CWF19L2: variants seen among roughly 807,000 people sequenced by gnomAD.
CWF19L2 encodes CWF19-like protein 2.
Under a neutral mutation model 111.7 loss-of-function variants are expected in CWF19L2, and 98 were observed. That is an observed-to-expected ratio of 0.88 (90% confidence interval 0.75 to 1.04). The LOEUF is 1.04. Among genes scored for constraint, CWF19L2 ranks in the 50% least tolerant of loss-of-function variants. CWF19L2 has a pLI of 0.00. For missense variants in CWF19L2, 1,101 were observed against 1,051.4 expected, an observed-to-expected ratio of 1.05 and a Z score of -0.65; for synonymous variants, 351 against 342.9, an observed-to-expected ratio of 1.02 and a Z score of -0.26.
chr11:107,391,996 A>C (rs1205633625), intron 11 of CWF19L2, among the ~76,000 whole-genome samples: 1 of 152,188 alleles, frequency 6.6e-6, no homozygotes, highest in Admixed American at 6.5e-5. Context: ...ATCCCTAGTC[A>C]GTTCCACCAT....
chr11:107,422,174 T>C (rs112017643), intron 8 of CWF19L2, among the ~76,000 whole-genome samples: 456 of 152,176 alleles, frequency 3.0e-3, no homozygotes, highest in Non-Finnish European at 4.5e-3. Flanking sequence ...CGGTTGACCC[T>C]TGAACAACAC....
Position 107,454,502 on chromosome 11 carries a change from T to C in CWF19L2, c.287A>G (p.Lys96Arg). The C allele has an allele frequency of 6.8e-7, 1 of 1,477,826 alleles. No homozygotes were observed. The highest frequency in any genetic ancestry group is 8.9e-7 in the Non-Finnish European group (1 of 1,118,578). 91.5% of individuals were successfully genotyped at this position (1,477,826 alleles called of 1,614,324 possible). The change falls in exon 3 of 18, where the codon AAG (lysine) becomes AGG (arginine). Residue 96 changes from lysine (K) to arginine (R), a missense_variant. Physicochemically the swap from Lys to Arg is conservative, Grantham distance 26. Coordinates refer to ENST00000282251, the MANE Select transcript of CWF19L2 (RefSeq NM_152434.3). ...SKKAKKEKKK[K>R]SKKQKYEKNN... is the part of the protein sequence containing the mutation. ...TTTTTCATATTTCTGTTTCTTGCTC[T>C]TTTTTTTCTTTTCTTTCTTTGCTTT...
chr11:107,349,525 C>T (rs1394402520), intron 13 of CWF19L2, among the ~76,000 whole-genome samples: 6 of 151,648 alleles, frequency 4.0e-5, no homozygotes, highest in Admixed American at 6.6e-5. Flanking sequence ...TCAGCTAAGA[C>T]GAAGAGGAAA....
intron 12 of CWF19L2, among the ~76,000 whole-genome samples, chr11:107,365,146 G>T (rs180914062): frequency 7.0e-6 from 1 of 141,920 alleles, no homozygotes; most frequent in Non-Finnish European, 1.5e-5. Context: ...TCTCTGAATA[G>T]ACCAATAAGA....
intron 12 of CWF19L2, among the ~76,000 whole-genome samples, chr11:107,389,772 A>C (rs546470852): frequency 3.3e-5 from 5 of 152,304 alleles, no homozygotes; most frequent in African/African-American, 1.2e-4. Context: ...GCGCACTGTC[A>C]ATCATTAACT....
chr11:107,441,382 T>C (rs957818086), intron 5 of CWF19L2, 121 bp downstream of exon 5: 19 of 793,740 alleles, frequency 2.4e-5, no homozygotes, highest in African/African-American at 5.4e-5. Context: ...TTCTCACTAA[T>C]TGTATTAAAT....
intron 14 of CWF19L2, among the ~76,000 whole-genome samples, chr11:107,339,792 A>C (rs1249740438): frequency 1.2e-4 from 18 of 148,416 alleles, no homozygotes; most frequent in African/African-American, 4.2e-4. Flanking sequence ...TGGCCCCCCC[A>C]CAACAGCTGG....
At chr11:107,342,694 T>C (rs1860022527) in intron 14 of CWF19L2, among the ~76,000 whole-genome samples, 1 of 152,144 alleles carries the variant, frequency 6.6e-6, no homozygotes, top group Admixed American at 6.5e-5. Context: ...CCCCAAGATA[T>C]CCAGGTCCTA....
intron 5 of CWF19L2, 72 bp downstream of exon 5, chr11:107,441,431 C>T (rs1364996431): frequency 1.6e-6 from 2 of 1,270,646 alleles, no homozygotes; most frequent in Non-Finnish European, 2.1e-6. Context: ...AGTTAAACTG[C>T]ATTTATATAA....
chr11:107,344,118 C>T (rs1263697464), intron 14 of CWF19L2, among the ~76,000 whole-genome samples: 1 of 152,102 alleles, frequency 6.6e-6, no homozygotes, highest in Non-Finnish European at 1.5e-5. Flanking sequence ...GAAGCTGAGG[C>T]ACAAGAATCG....
At chr11:107,440,980 A>C (rs554037328) in intron 5 of CWF19L2, among the ~76,000 whole-genome samples, 17 of 152,312 alleles carry the variant, frequency 1.1e-4, no homozygotes, top group Non-Finnish European at 1.9e-4. Flanking sequence ...ATTCCAGATT[A>C]CCAGGATTGT....
chr11:107,394,202 T>C (rs1279315012), intron 10 of CWF19L2, among the ~76,000 whole-genome samples: 1 of 152,128 alleles, frequency 6.6e-6, no homozygotes, highest in African/African-American at 2.4e-5. Context: ...GGAAGAAAAA[T>C]AATATATACC....
intron 8 of CWF19L2, among the ~76,000 whole-genome samples, chr11:107,420,148 G>A (rs988040375): frequency 1.3e-5 from 2 of 151,878 alleles, no homozygotes; most frequent in South Asian, 2.1e-4. Flanking sequence ...AATAGAAAAC[G>A]AATAGCAAAG....
rs148855834 is a variant in CWF19L2, at chr11:107,326,981, G to C, written c.2614C>G (p.Gln872Glu). 1.2e-6 allele frequency: 2 copies of C among 1,611,750 alleles called. No individual in the cohort carries two copies. Among genetic ancestry groups the C allele is most frequent in the African/African-American group, 2.7e-5 (2 of 74,746 alleles). ...GCAAACTGCAGTGCTTTTTTCCTCT[G>C]ATCCTCAAAGCTTTCTCGGATGCCT... Reference protein sequence around the residue: ...RKGIRESFEDQRKKALQFAQW... With the variant: ...RKGIRESFEDERKKALQFAQW... Residue 872 changes from glutamine to glutamate, a missense_variant, in exon 18 of 18, where the codon CAG (glutamine) becomes GAG (glutamate). Gln to Glu is a conservative substitution (Grantham distance 29). Transcript: ENST00000282251.
chr11:107,409,086 CT>C (rs1397872156), intron 10 of CWF19L2, among the ~76,000 whole-genome samples: 1 of 148,982 alleles, frequency 6.7e-6, no homozygotes, highest in Non-Finnish European at 1.5e-5. Context: ...GATTGGGATG[CT>C]AAAACATTAA....
Position 107,416,902 on chromosome 11 carries a change from T to C in CWF19L2, c.1528-604A>G, listed in dbSNP as rs558059527. Among the ~76,000 whole-genome samples the C allele has an allele frequency of 7.9e-5, 12 of 152,354 alleles. No homozygotes were observed. The South Asian group carries it at 2.5e-3, about 32-fold the overall frequency. On this transcript the variant is annotated intron_variant, in intron 9 of 17. Coordinates refer to ENST00000282251, the MANE Select transcript of CWF19L2 (RefSeq NM_152434.3). ...TTTACCTAGATGACCTCTCTTTCAC[T>C]ATTTTAACTAATTCCTCTGTACTTT...
chr11:107,378,227 C>G (rs61906006), intron 12 of CWF19L2, among the ~76,000 whole-genome samples: 76,942 of 142,472 alleles, frequency 0.54, 22,418 homozygotes, highest in African/African-American at 0.77. Flanking sequence ...CGGGGATCTA[C>G]AACTAGAAAT....
intron 10 of CWF19L2, among the ~76,000 whole-genome samples, chr11:107,412,290 A>AC (rs889061642): frequency 6.6e-6 from 1 of 152,218 alleles, no homozygotes; most frequent in Non-Finnish European, 1.5e-5. Flanking sequence ...ACATACTCTT[A>AC]CCACACGATC....
rs1322093122 is a variant in CWF19L2 at position 107,326,480 on chromosome 11, T to C, written c.*430A>G. 1 of 153,236 alleles carries C rather than the reference T, an allele frequency of 6.5e-6. No individual in the cohort carries two copies. The highest frequency in any genetic ancestry group is 2.4e-5 in the African/African-American group (1 of 41,478). 9.5% of individuals were successfully genotyped at this position (153,236 alleles called of 1,614,324 possible). A position where few individuals can be genotyped will look rare whatever the true frequency, so the allele number is the denominator to read the frequency against. On this transcript the variant is annotated 3_prime_UTR_variant, in exon 18 of 18. Coordinates refer to ENST00000282251, the MANE Select transcript of CWF19L2 (RefSeq NM_152434.3). ...TTAAGAGCTTTTCTATAAAATCCTA[T>C]GAAATTAAAATTAAATCGTCTTATT...
Sources: allele counts gnomAD v4.1 joint callset (sites outside exome capture counted in the v4.1 genomes callset), GRCh38; gene constraint gnomAD v4.1.1; transcripts MANE v1.5; gene names NCBI Gene and HGNC (gene_info 2026-07-23, HGNC 2026-07-21).